The following GRIA1 variants were observed in gnomAD, a reference collection of about 807,000 sequenced individuals.
GRIA1 encodes the protein glutamate receptor 1.
GRIA1 carries 31 observed loss-of-function variants against 99.2 expected under a neutral mutation model. The ratio of observed to expected loss-of-function variants is 0.31; its 90% CI spans 0.23 to 0.42. The LOEUF (loss-of-function observed/expected upper bound fraction) is 0.42, where lower values mean the gene tolerates loss of function less well. Among genes scored for constraint, GRIA1 ranks in the 10% least tolerant of loss-of-function variants. The probability of loss-of-function intolerance (pLI) is 1.00; values close to 1 mark genes in which losing one functional copy is unlikely to be tolerated. For missense variants in GRIA1, 782 were observed against 1,157.5 expected, an observed-to-expected ratio of 0.68 and a Z score of 4.71; for synonymous variants, 438 against 432.4, an observed-to-expected ratio of 1.01 and a Z score of -0.16.
At chr5:153,638,143 A>G (rs1450654354) in intron 2 of GRIA1, among the ~76,000 whole-genome samples, 3 of 152,230 alleles carry the variant, frequency 2.0e-5, no homozygotes, top group Non-Finnish European at 2.9e-5. Context: ...ATTCATGTCC[A>G]AAAATATTGT....
intron 2 of GRIA1, among the ~76,000 whole-genome samples, chr5:153,496,440 T>C (rs1219010751): frequency 3.3e-5 from 5 of 152,228 alleles, no homozygotes; most frequent in Non-Finnish European, 5.9e-5. Context: ...TGCTCTCAGG[T>C]AGCTTACAGT....
intron 11 of GRIA1, among the ~76,000 whole-genome samples, chr5:153,706,906 C>A (rs1332770927): frequency 6.6e-6 from 1 of 151,836 alleles, no homozygotes; most frequent in Non-Finnish European, 1.5e-5. Context: ...ACCAGCCTGG[C>A]CAACATGGTG....
At chr5:153,604,727 A>G (rs1765299485) in intron 2 of GRIA1, among the ~76,000 whole-genome samples, 1 of 152,220 alleles carries the variant, frequency 6.6e-6, no homozygotes, top group Non-Finnish European at 1.5e-5. Flanking sequence ...AATTCAGAAT[A>G]TACTCCTGAC....
intron 14 of GRIA1, among the ~76,000 whole-genome samples, chr5:153,796,930 G>A (rs1765682918): frequency 6.6e-6 from 1 of 152,160 alleles, no homozygotes; most frequent in South Asian, 2.1e-4. Context: ...AACACACTGT[G>A]TACAAGCCCC....
At chr5:153,755,646 C>T (rs1762780210) in intron 11 of GRIA1, 1 of 152,266 alleles carries the variant, frequency 6.6e-6, no homozygotes, top group Non-Finnish European at 1.5e-5. Flanking sequence ...AGCAACTGCA[C>T]TGCAGCCTGG....
chr5:153,578,170 A>AAAG (rs1554099529), intron 2 of GRIA1, among the ~76,000 whole-genome samples: 12 of 119,362 alleles, frequency 1.0e-4, no homozygotes, highest in African/African-American at 3.5e-4. Context: ...AAAAAAAAAA[A>AAAG]AAAGAAAGAA....
chr5:153,655,006 A>C (rs997262468), intron 4 of GRIA1, among the ~76,000 whole-genome samples: 3 of 152,180 alleles, frequency 2.0e-5, no homozygotes, highest in Non-Finnish European at 2.9e-5. Flanking sequence ...TTGGGATAAA[A>C]GGGTATTCAT....
At chr5:153,725,075 C>T (rs1473825822) in intron 11 of GRIA1, among the ~76,000 whole-genome samples, 4 of 152,136 alleles carry the variant, frequency 2.6e-5, no homozygotes, top group East Asian at 1.9e-4. Flanking sequence ...AAGCCAGAAG[C>T]GACTGGGGGC....
intron 11 of GRIA1, among the ~76,000 whole-genome samples, chr5:153,743,055 G>A (rs545552280): frequency 6.6e-6 from 1 of 152,204 alleles, no homozygotes; most frequent in African/African-American, 2.4e-5. Flanking sequence ...CCCAGTTCTT[G>A]GCAGAATGGC....
chr5:153,697,033 C>T (rs1758164357), intron 8 of GRIA1, among the ~76,000 whole-genome samples: 1 of 152,216 alleles, frequency 6.6e-6, no homozygotes, highest in African/African-American at 2.4e-5. Flanking sequence ...ATCTTCCACC[C>T]AGGACCCACA....
chr5:153,674,449 T>A (rs779264481), intron 5 of GRIA1, 51 bp from the exon 6 acceptor site: 1 of 1,603,804 alleles, frequency 6.2e-7, no homozygotes, highest in South Asian at 1.1e-5. Flanking sequence ...CAGGTTAAGT[T>A]GATTTATCCA....
At chr5:153,640,734 T>G (rs1054321244) in intron 2 of GRIA1, among the ~76,000 whole-genome samples, 2 of 152,210 alleles carry the variant, frequency 1.3e-5, no homozygotes, top group African/African-American at 4.8e-5. Flanking sequence ...TTAAGCTCTG[T>G]GAAGGTAGAA....
intron 2 of GRIA1, among the ~76,000 whole-genome samples, chr5:153,610,430 G>A (rs1475866092): frequency 6.6e-6 from 1 of 152,240 alleles, no homozygotes; most frequent in Non-Finnish European, 1.5e-5. Flanking sequence ...ACCCTACAAA[G>A]ATTTCCAGAT....
chr5:153,518,992 C>T (rs1416214030), intron 2 of GRIA1, among the ~76,000 whole-genome samples: 14 of 152,246 alleles, frequency 9.2e-5, no homozygotes, highest in Admixed American at 4.6e-4. Flanking sequence ...AGGCCAGGCA[C>T]GGTGGCTTAC....
chr5:153,603,978 C>T (rs546797009), intron 2 of GRIA1, among the ~76,000 whole-genome samples: 1 of 152,154 alleles, frequency 6.6e-6, no homozygotes, highest in East Asian at 1.9e-4. Context: ...TTTTACATAC[C>T]TATATATATT....
At chr5:153,717,933 T>A (rs1759781629) in intron 11 of GRIA1, among the ~76,000 whole-genome samples, 1 of 152,200 alleles carries the variant, frequency 6.6e-6, no homozygotes, top group South Asian at 2.1e-4. Flanking sequence ...GGGACCCCCC[T>A]GAGATTCATT....
chr5:153,551,513 T>C (rs1282017831), intron 2 of GRIA1, among the ~76,000 whole-genome samples: 1 of 152,178 alleles, frequency 6.6e-6, no homozygotes, highest in African/African-American at 2.4e-5. Context: ...GGCTCCAGTT[T>C]GGATGGGATT....
intron 2 of GRIA1, among the ~76,000 whole-genome samples, chr5:153,593,174 T>A (rs1242017465): frequency 1.3e-5 from 2 of 152,056 alleles, no homozygotes; most frequent in Non-Finnish European, 1.5e-5. Context: ...GGCTGAGGCA[T>A]GAGAATCACT....
At chr5:153,640,230 C>G (rs542883921) in intron 2 of GRIA1, among the ~76,000 whole-genome samples, 1 of 152,338 alleles carries the variant, frequency 6.6e-6, no homozygotes, top group South Asian at 2.1e-4. Context: ...AAGACCCATG[C>G]TTAATAATAA....
Sources: gnomAD v4.1 joint callset for allele counts (sites outside exome capture counted in the v4.1 genomes callset) on GRCh38, gnomAD v4.1.1 for gene constraint, MANE v1.5 for transcripts, NCBI Gene and HGNC (gene_info 2026-07-23, HGNC 2026-07-21) for gene names.